SYT9: variants seen among roughly 807,000 people sequenced by gnomAD.
SYT9 encodes synaptotagmin-9.
A neutral mutation model predicts 48.4 loss-of-function variants in SYT9; 22 were observed. That is an observed-to-expected ratio of 0.45 (90% confidence interval 0.32 to 0.65). The LOEUF is 0.65. SYT9 is among the 30% of genes least tolerant of loss of function. The pLI is 0.03. For missense variants in SYT9, 577 were observed against 622.0 expected (o/e 0.93, Z 0.77); for synonymous variants, 265 against 245.0 (o/e 1.08, Z -0.76).
chr11:7,247,193 A>G (rs1847802401), upstream of SYT9, among the ~76,000 whole-genome samples: 1 of 152,102 alleles, frequency 6.6e-6, no homozygotes, highest in African/African-American at 2.4e-5. Context: ...ATATTGGTGC[A>G]TCCATCACCC....
Position 7,313,481 on chromosome 11 carries a change from T to C in SYT9, c.584T>C (p.Ile195Thr), listed in dbSNP as rs769285781. ...QLQKQEQLTG[I>T]GRIKPELYKQ... is the part of the protein sequence containing the mutation. ...CAAAAACAGGAACAGTTGACTGGAATTGGTAGAATTAAACCAGAGTTATAT... is the reference window on the plus strand; with the variant it reads ...CAAAAACAGGAACAGTTGACTGGAACTGGTAGAATTAAACCAGAGTTATAT... The change falls in exon 3 of 7, where the codon ATT (isoleucine) becomes ACT (threonine). Residue 195 changes from isoleucine to threonine, a missense_variant. Transcript: ENST00000318881. 1.1e-5 allele frequency: 18 copies of C among 1,614,174 alleles called. No homozygotes were observed. In the South Asian group the frequency reaches 1.4e-4, roughly 13 times the overall value.
At chr11:7,259,741 A>G (rs987829129) in intron 1 of SYT9, among the ~76,000 whole-genome samples, 1 of 152,006 alleles carries the variant, frequency 6.6e-6, no homozygotes, top group African/African-American at 2.4e-5. Context: ...GAGAATCTTA[A>G]TGTTTTTTTC....
upstream of SYT9, among the ~76,000 whole-genome samples, chr11:7,247,505 A>G (rs1257545406): frequency 6.7e-6 from 1 of 149,476 alleles, no homozygotes; most frequent in Non-Finnish European, 1.5e-5. Context: ...ATATATACAC[A>G]TATATACATA....
At chr11:7,251,123 C>A (rs1008692748), upstream of SYT9, among the ~76,000 whole-genome samples, 2 of 150,192 alleles carry the variant, frequency 1.3e-5, no homozygotes, top group African/African-American at 2.5e-5. Flanking sequence ...CACACACACA[C>A]ACACACACAC....
At chr11:7,377,232 C>T (rs555150139) in intron 3 of SYT9, among the ~76,000 whole-genome samples, 26 of 151,662 alleles carry the variant, frequency 1.7e-4, no homozygotes, top group African/African-American at 6.3e-4. Flanking sequence ...GGGTACAACC[C>T]AGAGAATTAG....
intron 3 of SYT9, among the ~76,000 whole-genome samples, chr11:7,344,319 T>C (rs1849763072): frequency 6.6e-6 from 1 of 152,122 alleles, no homozygotes; most frequent in African/African-American, 2.4e-5. Context: ...ATCAAATATA[T>C]GGTATGTGAA....
chr11:7,361,170 C>G (rs999496494), intron 3 of SYT9, among the ~76,000 whole-genome samples: 2 of 151,314 alleles, frequency 1.3e-5, no homozygotes, highest in Non-Finnish European at 2.9e-5. Flanking sequence ...TCCCTTACTT[C>G]TATTTTGTTT....
At chr11:7,299,678 T>A (rs1053692197) in intron 1 of SYT9, among the ~76,000 whole-genome samples, 1 of 152,198 alleles carries the variant, frequency 6.6e-6, no homozygotes, top group African/African-American at 2.4e-5. Context: ...ACTTACTGAA[T>A]GCCTATTGTG....
intron 2 of SYT9, among the ~76,000 whole-genome samples, chr11:7,311,253 GATCGCGCC>G (rs1201438590): frequency 6.6e-6 from 1 of 152,206 alleles, no homozygotes; most frequent in Admixed American, 6.5e-5. Context: ...AGGGAGCCGA[GATCGCGCC>G]ATTGCACTTC....
chr11:7,261,012 C>T (rs1002000206), intron 1 of SYT9, among the ~76,000 whole-genome samples: 9 of 152,186 alleles, frequency 5.9e-5, no homozygotes, highest in African/African-American at 1.4e-4. Flanking sequence ...AGAGGGAATA[C>T]GCATGGCAGG....
At chr11:7,244,172 CT>C in intron 1 of SYT9, among the ~76,000 whole-genome samples, 1 of 152,224 alleles carries the variant, frequency 6.6e-6, no homozygotes, top group South Asian at 2.1e-4. Flanking sequence ...TATGGTGTAT[CT>C]TTTTAAATTC....
chr11:7,374,758 G>A (rs532730679), intron 3 of SYT9, among the ~76,000 whole-genome samples: 21 of 152,162 alleles, frequency 1.4e-4, no homozygotes, highest in African/African-American at 4.6e-4. Context: ...CCCACTTTTC[G>A]ATGGGGTTGA....
chr11:7,289,936 T>G (rs1301105235), intron 1 of SYT9, among the ~76,000 whole-genome samples: 1 of 152,222 alleles, frequency 6.6e-6, no homozygotes, highest in African/African-American at 2.4e-5. Context: ...TCATATTATT[T>G]GTAGAAAGCT....
chr11:7,341,306 C>T (rs529195612), intron 3 of SYT9, among the ~76,000 whole-genome samples: 40 of 152,244 alleles, frequency 2.6e-4, no homozygotes, highest in Middle Eastern at 3.4e-3. Flanking sequence ...TTCTGATATG[C>T]GTTGGCTGTG....
At chr11:7,395,373 T>C (rs192715551) in intron 3 of SYT9, among the ~76,000 whole-genome samples, 20 of 152,148 alleles carry the variant, frequency 1.3e-4, no homozygotes, top group Non-Finnish European at 1.0e-4. Flanking sequence ...ATCTGTCAAG[T>C]GTCTAATTTA....
intron 6 of SYT9, among the ~76,000 whole-genome samples, chr11:7,446,730 G>A (rs1384746403): frequency 2.0e-5 from 3 of 152,196 alleles, no homozygotes; most frequent in Non-Finnish European, 2.9e-5. Flanking sequence ...CTCCAGAGGC[G>A]GAAGACCAAT....
chr11:7,459,793 T>C (rs1848208514), intron 6 of SYT9, among the ~76,000 whole-genome samples: 1 of 152,092 alleles, frequency 6.6e-6, no homozygotes, highest in Non-Finnish European at 1.5e-5. Flanking sequence ...CATGTGACAA[T>C]GGAGGCAGGA....
At chr11:7,302,845 G>A (rs1001883806) in intron 1 of SYT9, among the ~76,000 whole-genome samples, 194 bp from the exon 2 acceptor site, 4 of 152,134 alleles carry the variant, frequency 2.6e-5, no homozygotes, top group African/African-American at 4.8e-5. Flanking sequence ...TCTGCTCACT[G>A]GTCCTCTGGT....
At chr11:7,243,345 C>G (rs981449592) in intron 1 of SYT9, among the ~76,000 whole-genome samples, 1 of 152,148 alleles carries the variant, frequency 6.6e-6, no homozygotes, top group East Asian at 1.9e-4. Context: ...TGATTAAGCA[C>G]TAAACTCGGC....
Sources: allele counts gnomAD v4.1 joint callset (sites outside exome capture counted in the v4.1 genomes callset), GRCh38; gene constraint gnomAD v4.1.1; transcripts MANE v1.5; gene names NCBI Gene and HGNC (gene_info 2026-07-23, HGNC 2026-07-21).